COX7A2L: variants seen among roughly 807,000 people sequenced by gnomAD.
COX7A2L encodes cytochrome c oxidase subunit 7A2 like, also known as cytochrome c oxidase subunit 7A2-like, mitochondrial.
In COX7A2L, 18 loss-of-function variants were observed where a neutral mutation model predicts 14.2. The observed-to-expected ratio is 1.27, with a 90% confidence interval of 0.88 to 1.88. The LOEUF is 1.88. COX7A2L is among the 40% of genes most tolerant of loss of function. The pLI, the probability that COX7A2L is intolerant of heterozygous loss-of-function variation, is 0.00. For missense variants in COX7A2L, 179 were observed against 138.8 expected (o/e 1.29, Z -1.46); for synonymous variants, 65 against 57.4 (o/e 1.13, Z -0.60).
chr2:42,336,459 G>C (rs1670275002), intron 2 of COX7A2L, among the ~76,000 whole-genome samples: 1 of 152,122 alleles, frequency 6.6e-6, no homozygotes, highest in South Asian at 2.1e-4. Context: ...AGTGCCCGAA[G>C]AAAGGGCCTC....
Position 42,353,272 on chromosome 2 carries a change from A to C in COX7A2L, c.144T>G (p.Asp48Glu). The change falls in exon 2 of 3, where the codon GAT becomes GAG. Residue 48 changes from aspartate (D) to glutamate (E), a missense_variant. Coordinates refer to ENST00000234301, the MANE Select transcript of COX7A2L (RefSeq NM_004718.4). ...IFATPTKLTS[D>E]STVYDYAGKN... is the part of the protein sequence containing the mutation. ...TCCCAGCATAATCATACACTGTGGA[A>C]TCGGAGGTCAGTTTAGTTGGTGTGG... 1 of 1,614,184 alleles carries C rather than the reference A, an allele frequency of 6.2e-7. No homozygotes were observed. Among genetic ancestry groups the C allele is most frequent in the Non-Finnish European group, 8.5e-7 (1 of 1,180,022 alleles).
upstream of COX7A2L, among the ~76,000 whole-genome samples, chr2:42,364,362 T>C (rs188815089): frequency 2.1e-3 from 325 of 152,210 alleles, 2 homozygotes; most frequent in African/African-American, 7.5e-3. Context: ...ATTTTGCCCA[T>C]TCTACGGTAG....
intron 2 of COX7A2L, among the ~76,000 whole-genome samples, chr2:42,336,524 T>C (rs887306342): frequency 6.6e-6 from 1 of 152,142 alleles, no homozygotes; most frequent in Non-Finnish European, 1.5e-5. Context: ...TCATCCCATC[T>C]CATGCTTGAC....
upstream of COX7A2L, chr2:42,361,423 A>C (rs898358745): frequency 1.7e-5 from 7 of 419,812 alleles, no homozygotes; most frequent in African/African-American, 4.2e-5. Flanking sequence ...GGAAATATGA[A>C]GTTCCCTCTT....
At chr2:42,361,238 G>T, upstream of COX7A2L, 1 of 1,393,280 alleles carries the variant, frequency 7.2e-7, no homozygotes, top group Non-Finnish European at 9.8e-7. Context: ...CCCGGCTGTG[G>T]TCCCGAGACT....
intron 1 of COX7A2L, among the ~76,000 whole-genome samples, chr2:42,367,935 C>T (rs1671198737): frequency 6.6e-6 from 1 of 152,230 alleles, no homozygotes; most frequent in Non-Finnish European, 1.5e-5. Flanking sequence ...CCCACAGATG[C>T]ATATTGGAGA....
rs1475001454 is a variant in COX7A2L, at chr2:42,339,296, G to A, written c.193-5427C>T. On this transcript the variant is annotated intron_variant, in intron 2 of 2. Transcript: ENST00000468711. The surrounding 1 kb of genome is among the most constrained non-coding windows in gnomAD (Gnocchi z 5.4). Reference sequence around the variant, plus strand: ...ACCACCAGGAGCTGAGGGGTTTCTCGGGCACAGGATCCCCCCAGCGGCTCT... The same window carrying A: ...ACCACCAGGAGCTGAGGGGTTTCTCAGGCACAGGATCCCCCCAGCGGCTCT... 2.0e-5 allele frequency among the ~76,000 whole-genome samples: 3 copies of A among 152,116 alleles called. No homozygotes were observed. Among genetic ancestry groups the A allele is most frequent in the Admixed American group, 6.5e-5 (1 of 15,286 alleles).
intron 1 of COX7A2L, among the ~76,000 whole-genome samples, chr2:42,366,868 G>C (rs1190522649): frequency 5.9e-5 from 9 of 151,992 alleles, no homozygotes. Context: ...CCCAGAAGTA[G>C]TAACTATTAG....
At chr2:42,360,767 G>A (rs779207536) in intron 1 of COX7A2L, among the ~76,000 whole-genome samples, 2 of 152,136 alleles carry the variant, frequency 1.3e-5, no homozygotes, top group Admixed American at 6.5e-5. Flanking sequence ...GAGGGAGAAG[G>A]CCGGACCTCT....
upstream of COX7A2L, among the ~76,000 whole-genome samples, chr2:42,365,242 G>C (rs539465031): frequency 1.3e-5 from 2 of 152,170 alleles, no homozygotes; most frequent in African/African-American, 4.8e-5. Flanking sequence ...CATCATTGAG[G>C]ATTCCCACTC....
intron 2 of COX7A2L, chr2:42,352,884 A>G: frequency 2.9e-6 from 1 of 341,492 alleles, no homozygotes; most frequent in Non-Finnish European, 5.2e-6. Context: ...AGTCAAATAT[A>G]TATATTGGGT....
chr2:42,357,938 C>A (rs1670878404), intron 1 of COX7A2L, among the ~76,000 whole-genome samples: 1 of 152,172 alleles, frequency 6.6e-6, no homozygotes, highest in African/African-American at 2.4e-5. Context: ...AATGCTTCTC[C>A]TCCAGACCCC....
rs903470208 is a variant in COX7A2L at position 42,349,834 on chromosome 2, A to C, written c.*1385T>G. 3 of 152,200 alleles carry C rather than the reference A, an allele frequency of 2.0e-5. No individual in the cohort carries two copies. The highest frequency in any genetic ancestry group is 2.1e-4 in the South Asian group (1 of 4,834). The allele number at this position is 152,200 out of a possible 1,614,324, so 9.4% of individuals were successfully genotyped here. ...GGCTGATTTATCATAATTCCCTAAC[A>C]ATCTTAAATGACTCAACAAAAAACA... is the stretch of plus-strand genomic sequence containing the variant. On this transcript the variant is annotated 3_prime_UTR_variant, in exon 3 of 3. Transcript: ENST00000234301.
intron 2 of COX7A2L, among the ~76,000 whole-genome samples, chr2:42,335,582 C>T (rs966978784): frequency 2.6e-5 from 4 of 152,170 alleles, no homozygotes; most frequent in Non-Finnish European, 5.9e-5. Context: ...CATGTATTAA[C>T]TCAATCTTTT....
intron 1 of COX7A2L, among the ~76,000 whole-genome samples, chr2:42,356,077 T>C (rs572968089): frequency 7.9e-5 from 12 of 152,286 alleles, no homozygotes; most frequent in Middle Eastern, 3.4e-3. Flanking sequence ...TCACTCAGGC[T>C]GGAGTGCAGT....
At chr2:42,348,922 A>G (rs77859236), downstream of COX7A2L, among the ~76,000 whole-genome samples, 6 of 149,994 alleles carry the variant, frequency 4.0e-5, no homozygotes, top group East Asian at 1.2e-3. Context: ...ATCTCAAAAG[A>G]AAAAAAAAAG....
intron 1 of COX7A2L, 190 bp downstream of exon 1, chr2:42,360,900 A>G: frequency 1.5e-6 from 1 of 645,642 alleles, no homozygotes; most frequent in South Asian, 1.7e-5. Flanking sequence ...CCGCCAGGTG[A>G]GCAGGTACAC....
At chr2:42,357,423 G>A (rs181607442) in intron 1 of COX7A2L, among the ~76,000 whole-genome samples, 5 of 152,032 alleles carry the variant, frequency 3.3e-5, no homozygotes, top group African/African-American at 7.2e-5. Flanking sequence ...ATCCTTCCGC[G>A]TCAGCCTCCT....
intron 2 of COX7A2L, among the ~76,000 whole-genome samples, chr2:42,340,823 G>A (rs1463992816): frequency 6.6e-6 from 1 of 152,180 alleles, no homozygotes; most frequent in East Asian, 1.9e-4. Context: ...AGCACGGGAG[G>A]CCAGGAGCAG....
Sources: allele counts gnomAD v4.1 joint callset (sites outside exome capture counted in the v4.1 genomes callset), GRCh38; gene constraint gnomAD v4.1.1; non-coding constraint Gnocchi (gnomAD v3.1); transcripts MANE v1.5; gene names NCBI Gene and HGNC (gene_info 2026-07-23, HGNC 2026-07-21).